The following DOCK3 variants were observed in gnomAD, a reference collection of about 807,000 sequenced individuals.
The protein encoded by DOCK3 is dedicator of cytokinesis protein 3.
Under a neutral mutation model 265.6 loss-of-function variants are expected in DOCK3, and 60 were observed. The ratio of observed to expected loss-of-function variants is 0.23; its 90% confidence interval spans 0.18 to 0.28. DOCK3 has a LOEUF of 0.28. DOCK3 is among the 10% of genes least tolerant of loss of function. The pLI, the probability that DOCK3 is intolerant of heterozygous loss-of-function variation, is 1.00. For missense variants in DOCK3, 1,981 were observed against 2,594.3 expected, an observed-to-expected ratio of 0.76 and a Z score of 5.14; for synonymous variants, 881 against 938.0, an observed-to-expected ratio of 0.94 and a Z score of 1.11.
intron 9 of DOCK3, among the ~76,000 whole-genome samples, chr3:51,098,980 A>G (rs1182741076): frequency 6.6e-6 from 1 of 152,198 alleles, no homozygotes; most frequent in African/African-American, 2.4e-5. Context: ...AAGAAAGCTA[A>G]TGATTTCTGT....
intron 1 of DOCK3, among the ~76,000 whole-genome samples, chr3:50,728,985 A>G (rs1427367051): frequency 7.0e-6 from 1 of 143,866 alleles, no homozygotes; most frequent in African/African-American, 2.5e-5. Flanking sequence ...CGGCCTCCCA[A>G]AGTGCTGGGA....
intron 2 of DOCK3, among the ~76,000 whole-genome samples, chr3:50,805,032 C>T (rs558501392): frequency 6.6e-6 from 1 of 152,204 alleles, no homozygotes; most frequent in Admixed American, 6.5e-5. Context: ...TGATTGAGAT[C>T]TGTTACTGGA....
intron 9 of DOCK3, among the ~76,000 whole-genome samples, chr3:51,125,514 G>C (rs2084226753): frequency 1.3e-5 from 2 of 152,130 alleles, no homozygotes. Flanking sequence ...TCTGTGACAA[G>C]CTCTGTCTTG....
At chr3:50,920,506 T>C (rs2108023882) in intron 4 of DOCK3, among the ~76,000 whole-genome samples, 1 of 152,350 alleles carries the variant, frequency 6.6e-6, no homozygotes, top group East Asian at 1.9e-4. Flanking sequence ...AATTTATCCA[T>C]TTCTTCTAGA....
At chr3:51,278,403 A>T (rs1455246550) in intron 26 of DOCK3, 1 of 985,354 alleles carries the variant, frequency 1.0e-6, no homozygotes, top group South Asian at 4.7e-5. Flanking sequence ...TGGGGATGTG[A>T]TAAACAGTTT....
chr3:51,241,875 G>A (rs901848533), intron 21 of DOCK3, among the ~76,000 whole-genome samples: 1 of 152,162 alleles, frequency 6.6e-6, no homozygotes, highest in Admixed American at 6.5e-5. Context: ...GTGTACTCCT[G>A]TAGCTCAATG....
At chr3:51,332,722 TCTGGG>T (rs2084608392) in intron 33 of DOCK3, among the ~76,000 whole-genome samples, 1 of 152,140 alleles carries the variant, frequency 6.6e-6, no homozygotes, top group Admixed American at 6.5e-5. Context: ...TGAGGATGGC[TCTGGG>T]CAGTGATAAA....
At chr3:50,800,271 A>G (rs1247045677) in intron 2 of DOCK3, among the ~76,000 whole-genome samples, 1 of 152,198 alleles carries the variant, frequency 6.6e-6, no homozygotes, top group Non-Finnish European at 1.5e-5. Flanking sequence ...CTTGGTATTA[A>G]TTCTTCTTTA....
At chr3:51,245,651 A>C (rs961166637) in intron 21 of DOCK3, among the ~76,000 whole-genome samples, 11 of 151,968 alleles carry the variant, frequency 7.2e-5, no homozygotes, top group Non-Finnish European at 1.5e-4. Flanking sequence ...TCAGCCTCCT[A>C]GAGTGCTGAG....
In DOCK3 at chr3:50,936,997, C is replaced by T. The variant is rs533519756; in HGVS notation, c.315+2920C>T. On this transcript the variant is annotated intron_variant, in intron 5 of 52. Coordinates refer to ENST00000266037, the MANE Select transcript of DOCK3 (RefSeq NM_004947.5). ...AATTAATATTTAAGAAAACTGTTGGCTGGGTGTGGTGGCTCATGCCTGTAA... is the reference window on the plus strand; with the variant it reads ...AATTAATATTTAAGAAAACTGTTGGTTGGGTGTGGTGGCTCATGCCTGTAA... 1.3e-4 allele frequency among the ~76,000 whole-genome samples: 20 copies of T among 152,268 alleles called. 1 individual carries two copies. The South Asian group carries it at 4.1e-3, about 32-fold the overall frequency.
At chr3:51,068,109 TACAC>T (rs2081672048) in intron 6 of DOCK3, among the ~76,000 whole-genome samples, 2 of 152,352 alleles carry the variant, frequency 1.3e-5, no homozygotes, top group South Asian at 4.1e-4. Context: ...TCTAAGCTCT[TACAC>T]AGACATTATA....
intron 1 of DOCK3, among the ~76,000 whole-genome samples, chr3:50,742,290 T>C (rs2039097841): frequency 6.6e-6 from 1 of 151,958 alleles, no homozygotes; most frequent in Admixed American, 6.6e-5. Context: ...GCAGAGCGCC[T>C]CTCCTCCTCC....
chr3:50,766,046 A>G (rs2040852569), intron 1 of DOCK3, among the ~76,000 whole-genome samples: 1 of 151,932 alleles, frequency 6.6e-6, no homozygotes, highest in Admixed American at 6.6e-5. Flanking sequence ...GCCTTGGCTT[A>G]TTTCACTTAA....
chr3:51,163,126 G>A (rs2086215673), intron 12 of DOCK3, among the ~76,000 whole-genome samples: 1 of 152,188 alleles, frequency 6.6e-6, no homozygotes. Flanking sequence ...AGATTGAATT[G>A]GAAGCTTAAA....
intron 6 of DOCK3, among the ~76,000 whole-genome samples, chr3:51,068,562 A>AAGAAGAT (rs869179974): frequency 1.4e-5 from 2 of 140,478 alleles, no homozygotes; most frequent in African/African-American, 5.2e-5. Context: ...AAAAAAAAAA[A>AAGAAGAT]GAAGAAGAAG....
intron 22 of DOCK3, among the ~76,000 whole-genome samples, chr3:51,253,815 C>T (rs1218778081): frequency 6.6e-6 from 1 of 152,180 alleles, no homozygotes; most frequent in Non-Finnish European, 1.5e-5. Context: ...AAAAAACCAG[C>T]TCCTGGATTC....
chr3:50,704,854 C>T lies in DOCK3; in HGVS notation c.37+29554C>T, dbSNP rs1259881918. Reference sequence around the variant, plus strand: ...ATGTTGGCCAGGCTGGTCTCGAACTCCTGACATCAAGCGATCCATCTGCCT... The same window carrying T: ...ATGTTGGCCAGGCTGGTCTCGAACTTCTGACATCAAGCGATCCATCTGCCT... On this transcript the variant is annotated intron_variant, in intron 1 of 52. Coordinates refer to ENST00000266037, the MANE Select transcript of DOCK3 (RefSeq NM_004947.5). Among the ~76,000 whole-genome samples, 5 of 152,092 alleles carry T rather than the reference C, an allele frequency of 3.3e-5. No homozygotes were observed. The East Asian group carries it at 5.8e-4, about 18-fold the overall frequency.
intron 32 of DOCK3, among the ~76,000 whole-genome samples, chr3:51,326,726 A>C (rs544634908): frequency 2.0e-5 from 3 of 151,544 alleles, no homozygotes; most frequent in Admixed American, 6.6e-5. Flanking sequence ...GGTTCAAGCA[A>C]TTCTCCTGCC....
At chr3:51,260,384 C>T in intron 23 of DOCK3, 58 bp downstream of exon 23, 1 of 1,521,880 alleles carries the variant, frequency 6.6e-7, no homozygotes. Context: ...TGGGTGGTTT[C>T]TTTGTCCTCT....
Sources: allele counts gnomAD v4.1 joint callset (sites outside exome capture counted in the v4.1 genomes callset), GRCh38; gene constraint gnomAD v4.1.1; transcripts MANE v1.5; gene names NCBI Gene and HGNC (gene_info 2026-07-23, HGNC 2026-07-21).